The following MAP3K1 variants were observed in gnomAD, a reference collection of about 807,000 sequenced individuals.
MAP3K1 encodes the protein mitogen-activated protein kinase kinase kinase 1, also known as MAP/ERK kinase kinase 1.
Under a neutral mutation model 144.2 loss-of-function variants are expected in MAP3K1, and 36 were observed. The observed-to-expected ratio is 0.25, with a 90% confidence interval of 0.19 to 0.33. The LOEUF (loss-of-function observed/expected upper bound fraction) is 0.33. MAP3K1 is among the 10% of genes least tolerant of loss of function. The probability of loss-of-function intolerance (pLI) is 1.00; values close to 1 mark genes in which losing one functional copy is unlikely to be tolerated. For synonymous variants in MAP3K1, 718 were observed against 688.7 expected (o/e 1.04, Z -0.67); for missense variants, 1,650 against 1,881.9 (o/e 0.88, Z 2.28).
At chr5:56,861,923 G>T (rs1160558280) in intron 3 of MAP3K1, among the ~76,000 whole-genome samples, 1 of 149,196 alleles carries the variant, frequency 6.7e-6, no homozygotes, top group East Asian at 1.9e-4. Context: ...AGTTATTAAG[G>T]TACATAAATT....
chr5:56,815,579 G>GGCGGCGGCGGGGAATCGCGCC lies in MAP3K1; in HGVS notation c.7_27dup (p.Ala3_Ala9dup), dbSNP rs1745918367. 2 of 1,299,028 alleles carry GGCGGCGGCGGGGAATCGCGCC rather than the reference G, an allele frequency of 1.5e-6. No homozygotes were observed. Among genetic ancestry groups the GGCGGCGGCGGGGAATCGCGCC allele is most frequent in the Non-Finnish European group, 1.9e-6 (2 of 1,026,742 alleles). 80.5% of individuals were successfully genotyped at this position (1,299,028 alleles called of 1,614,324 possible). On this transcript the variant is annotated inframe_insertion, in exon 1 of 20. Coordinates refer to ENST00000399503, the MANE Select transcript of MAP3K1 (RefSeq NM_005921.2). ...AATGTAGCCCGCGAGAGAAAATGGC[G>GGCGGCGGCGGGGAATCGCGCC]GCGGCGGCGGGGAATCGCGCCTCGT...
chr5:56,855,803 C>T (rs190918770), intron 1 of MAP3K1, among the ~76,000 whole-genome samples: 53 of 152,314 alleles, frequency 3.5e-4, no homozygotes, highest in Middle Eastern at 3.4e-3. Flanking sequence ...TTACTAATCC[C>T]AAGGTGCAGT....
In MAP3K1 at chr5:56,882,171, C is replaced by G. The variant is rs1748239619; in HGVS notation, c.2971C>G (p.Pro991Ala). The change falls in exon 14 of 20, where the codon CCA (proline) becomes GCA (alanine). Residue 991 changes from proline to alanine, a missense_variant. Physicochemically the swap from Pro to Ala is conservative, Grantham distance 27. Coordinates refer to ENST00000399503, the MANE Select transcript of MAP3K1 (RefSeq NM_005921.2). Reference sequence around the variant, plus strand: ...CTTGTCAACCCCTTCTTCTTCTACCCCATCTGTACCAGCTGGCACTGCAAC... The same window carrying G: ...CTTGTCAACCCCTTCTTCTTCTACCGCATCTGTACCAGCTGGCACTGCAAC... Reference protein sequence around the residue: ...PALSTPSSSTPSVPAGTATDV... With the variant: ...PALSTPSSSTASVPAGTATDV... The G allele has an allele frequency of 6.2e-7, 1 of 1,614,144 alleles. No homozygotes were observed. The highest frequency in any genetic ancestry group is 1.7e-5 in the Admixed American group (1 of 59,996).
intron 1 of MAP3K1, among the ~76,000 whole-genome samples, chr5:56,821,307 A>G (rs1368376281): frequency 6.6e-6 from 1 of 152,170 alleles, no homozygotes; most frequent in African/African-American, 2.4e-5. Flanking sequence ...ACTAAGGGGA[A>G]TTGTTAAAAC....
intron 1 of MAP3K1, among the ~76,000 whole-genome samples, chr5:56,826,541 C>T (rs570533188): frequency 3.9e-5 from 6 of 152,294 alleles, no homozygotes; most frequent in East Asian, 3.9e-4. Context: ...GAGAATAATC[C>T]GAGACCTTCA....
chr5:56,883,829 C>A, intron 15 of MAP3K1, 150 bp downstream of exon 15: 2 of 868,156 alleles, frequency 2.3e-6, no homozygotes, highest in South Asian at 1.5e-5. Context: ...TTCTAAAGCA[C>A]CAGAAACATC....
chr5:56,887,567 T>C, intron 18 of MAP3K1, 47 bp downstream of exon 18: 1 of 1,601,706 alleles, frequency 6.2e-7, no homozygotes, highest in Non-Finnish European at 8.6e-7. Context: ...TTTGGAATTC[T>C]GTGTAACAGC....
intron 1 of MAP3K1, among the ~76,000 whole-genome samples, chr5:56,846,638 A>G (rs1747005705): frequency 6.6e-6 from 1 of 152,192 alleles, no homozygotes; most frequent in Admixed American, 6.5e-5. Flanking sequence ...TTACTTCTGC[A>G]TGGCTATATC....
intron 1 of MAP3K1, chr5:56,820,811 CTGTCGGTAGGT>C (rs1581203428): frequency 1.0e-6 from 1 of 985,210 alleles, no homozygotes; most frequent in East Asian, 1.1e-4. Flanking sequence ...CAAGCTGTTT[CTGTCGGTAGGT>C]TGTAGTATGA....
chr5:56,841,199 A>T (rs1398491353), intron 1 of MAP3K1, among the ~76,000 whole-genome samples: 1 of 88,834 alleles, frequency 1.1e-5, no homozygotes, highest in Admixed American at 1.0e-4. Flanking sequence ...TGGCTTATTG[A>T]TTTAAAAAAA....
At chr5:56,835,973 ACTC>A (rs1487535856) in intron 1 of MAP3K1, among the ~76,000 whole-genome samples, 1 of 152,168 alleles carries the variant, frequency 6.6e-6, no homozygotes, top group African/African-American at 2.4e-5. Context: ...CAAAACATTC[ACTC>A]ATCAAATTTT....
chr5:56,822,520 A>C (rs1345075694), intron 1 of MAP3K1, among the ~76,000 whole-genome samples: 2 of 152,178 alleles, frequency 1.3e-5, no homozygotes, highest in Non-Finnish European at 2.9e-5. Flanking sequence ...TTAATTGGTA[A>C]GCCCCTCCTG....
chr5:56,837,849 T>C (rs989509783), intron 1 of MAP3K1, among the ~76,000 whole-genome samples: 1 of 152,152 alleles, frequency 6.6e-6, no homozygotes, highest in African/African-American at 2.4e-5. Flanking sequence ...GAGTGAGGAC[T>C]GAGGAAGATT....
chr5:56,870,335 C>T (rs1747814168), intron 6 of MAP3K1, among the ~76,000 whole-genome samples: 1 of 152,136 alleles, frequency 6.6e-6, no homozygotes. Flanking sequence ...TTTAACATCC[C>T]AGAGCCTTGT....
intron 2 of MAP3K1, among the ~76,000 whole-genome samples, chr5:56,857,948 C>T (rs943569826): frequency 2.6e-5 from 4 of 152,158 alleles, no homozygotes; most frequent in African/African-American, 7.2e-5. Context: ...ATTATGGGCC[C>T]GTGAGTCCTT....
chr5:56,839,921 A>C (rs1746761977), intron 1 of MAP3K1, among the ~76,000 whole-genome samples: 1 of 152,008 alleles, frequency 6.6e-6, no homozygotes, highest in South Asian at 2.1e-4. Context: ...ATGTTTCTTA[A>C]ATGTATGTTA....
intron 1 of MAP3K1, among the ~76,000 whole-genome samples, chr5:56,827,864 C>CA (rs796781747): frequency 0.049 from 6,918 of 140,234 alleles, 541 homozygotes; most frequent in African/African-American, 0.17. Context: ...AACTCCATCT[C>CA]AAAAAAAAAA....
chr5:56,880,682 G>C (rs1270364273), intron 11 of MAP3K1, 29 bp from the exon 12 acceptor site: 1 of 1,491,402 alleles, frequency 6.7e-7, no homozygotes, highest in Non-Finnish European at 9.4e-7. Context: ...CAAGATCCAG[G>C]ATTGATGTTG....
rs1430549368 is a variant in MAP3K1, at chr5:56,893,961, G to A, written c.*281G>A. On this transcript the variant is annotated 3_prime_UTR_variant, in exon 20 of 20. Coordinates refer to ENST00000399503, the MANE Select transcript of MAP3K1 (RefSeq NM_005921.2). ...ATGAAGTTTGCATGACTAAATTGCA[G>A]AAGCATAATTTTATTTTTTTGGAGC... is the stretch of plus-strand genomic sequence containing the variant. 1 of 465,054 alleles carries A rather than the reference G, an allele frequency of 2.2e-6. No individual in the cohort carries two copies. The highest frequency in any genetic ancestry group is 1.9e-5 in the African/African-American group (1 of 51,844). The allele number at this position is 465,054 out of a possible 1,614,324, so 28.8% of individuals were successfully genotyped here.
Sources: gnomAD v4.1 joint callset for allele counts (sites outside exome capture counted in the v4.1 genomes callset) on GRCh38, gnomAD v4.1.1 for gene constraint, MANE v1.5 for transcripts, NCBI Gene and HGNC (gene_info 2026-07-23, HGNC 2026-07-21) for gene names.